The following CDK19 variants were observed in gnomAD, a reference collection of about 807,000 sequenced individuals.
The protein encoded by CDK19 is cyclin-dependent kinase 19.
Under a neutral mutation model 68.3 loss-of-function variants are expected in CDK19, and 20 were observed. The ratio of observed to expected loss-of-function variants is 0.29; its 90% CI spans 0.21 to 0.43. The LOEUF (loss-of-function observed/expected upper bound fraction) is 0.43, where lower values mean the gene tolerates loss of function less well. Among genes scored for constraint, CDK19 ranks in the 20% least tolerant of loss-of-function variants. The pLI, the probability that CDK19 is intolerant of heterozygous loss-of-function variation, is 1.00. For missense variants in CDK19, 339 were observed against 623.5 expected (o/e 0.54, Z 4.86); for synonymous variants, 221 against 222.8 (o/e 0.99, Z 0.07).
chr6:110,745,030 A>C (rs945644369), intron 2 of CDK19, among the ~76,000 whole-genome samples: 3 of 152,250 alleles, frequency 2.0e-5, no homozygotes, highest in Admixed American at 6.5e-5. Flanking sequence ...TTAAGTAACA[A>C]TTATTTAAAT....
intron 1 of CDK19, among the ~76,000 whole-genome samples, chr6:110,807,814 C>CTT (rs61710346): frequency 1.4e-5 from 2 of 144,098 alleles, no homozygotes; most frequent in African/African-American, 2.5e-5. Flanking sequence ...TTTATAATAC[C>CTT]TTTTTTTTTT....
chr6:110,717,998 G>T (rs1268377533), intron 2 of CDK19, among the ~76,000 whole-genome samples: 3 of 152,136 alleles, frequency 2.0e-5, no homozygotes, highest in Non-Finnish European at 4.4e-5. Context: ...CCTTTGTAAA[G>T]CAGGCCTAAA....
At chr6:110,632,281 T>C (rs1403914815) in intron 5 of CDK19, 120 bp from the exon 6 acceptor site, 2 of 700,964 alleles carry the variant, frequency 2.9e-6, no homozygotes, top group Non-Finnish European at 2.3e-6. Context: ...TTGACAACAA[T>C]AGCTGCTGAC....
At chr6:110,780,825 T>C (rs1000304200) in intron 1 of CDK19, among the ~76,000 whole-genome samples, 1 of 152,132 alleles carries the variant, frequency 6.6e-6, no homozygotes, top group Non-Finnish European at 1.5e-5. Flanking sequence ...ATTTCCCATC[T>C]TCCAGAGATG....
Position 110,815,366 on chromosome 6 carries a change from C to T in CDK19, c.-230G>A. On this transcript the variant is annotated 5_prime_UTR_variant, in exon 1 of 13. Transcript: ENST00000368911. ...TCCTCCTCCTCCGCGACGGCGGCGG[C>T]GGCTCCCGCAGGCACCCCCAGTCCC... 2 of 391,308 alleles carry T rather than the reference C, an allele frequency of 5.1e-6. No homozygotes were observed. The highest frequency in any genetic ancestry group is 7.2e-5 in the South Asian group (1 of 13,818). 24.2% of individuals were successfully genotyped at this position (391,308 alleles called of 1,614,324 possible).
At chr6:110,809,349 C>T (rs1190286537) in intron 1 of CDK19, among the ~76,000 whole-genome samples, 1 of 152,014 alleles carries the variant, frequency 6.6e-6, no homozygotes, top group African/African-American at 2.4e-5. Context: ...CACAGTGAGA[C>T]CTCGTCTCTA....
intron 4 of CDK19, among the ~76,000 whole-genome samples, chr6:110,644,459 G>A (rs1217825960): frequency 2.0e-5 from 3 of 152,030 alleles, no homozygotes; most frequent in Non-Finnish European, 4.4e-5. Flanking sequence ...TAGCACAACA[G>A]GGTGACTACA....
chr6:110,685,021 C>T (rs9487485), intron 2 of CDK19, among the ~76,000 whole-genome samples: 2,122 of 152,214 alleles, frequency 0.014, 53 homozygotes, highest in African/African-American at 0.049. Context: ...GCCTGTAGTC[C>T]CAGCTACCCA....
chr6:110,642,681 C>T (rs899865981), intron 4 of CDK19, among the ~76,000 whole-genome samples: 6 of 151,912 alleles, frequency 3.9e-5, no homozygotes, highest in Admixed American at 6.6e-5. Context: ...AAACCAGGCA[C>T]GGTGGTCCAC....
rs138483097 is a variant in CDK19, at chr6:110,801,507, GT to G, written c.128+13501del. ...CTCAAAAAAGTAAAATAAATTACAG[GT>G]TTTTTTGTGTGTTTTTTTTTTGAGA... is the stretch of plus-strand genomic sequence containing the variant. On this transcript the variant is annotated intron_variant, in intron 1 of 12. Transcript: ENST00000368911. Among the ~76,000 whole-genome samples the G allele has an allele frequency of 5.2e-3, 790 of 151,964 alleles. 5 individuals are homozygous for G. Among genetic ancestry groups the G allele is most frequent in the African/African-American group, 0.019 (768 of 41,472 alleles).
chr6:110,623,857 T>C (rs1778896750), intron 8 of CDK19, among the ~76,000 whole-genome samples: 2 of 145,816 alleles, frequency 1.4e-5, no homozygotes, highest in African/African-American at 5.0e-5. Flanking sequence ...TATACATATA[T>C]ATACATATAT....
chr6:110,719,310 C>G (rs1459337206), intron 2 of CDK19, among the ~76,000 whole-genome samples: 1 of 152,050 alleles, frequency 6.6e-6, no homozygotes, highest in Non-Finnish European at 1.5e-5. Flanking sequence ...CACAGTAAAC[C>G]CTGTCTCTAC....
intron 2 of CDK19, among the ~76,000 whole-genome samples, chr6:110,735,713 A>G (rs1777200193): frequency 6.6e-6 from 1 of 152,240 alleles, no homozygotes; most frequent in African/African-American, 2.4e-5. Context: ...AACAAACTAG[A>G]ATAAAAGTAG....
chr6:110,768,340 C>A (rs1779734915), intron 1 of CDK19, among the ~76,000 whole-genome samples: 1 of 152,276 alleles, frequency 6.6e-6, no homozygotes, highest in East Asian at 1.9e-4. Flanking sequence ...CAGTTTCTTA[C>A]AAAACTAAAC....
At chr6:110,665,246 T>C (rs944870501) in intron 4 of CDK19, among the ~76,000 whole-genome samples, 1 of 152,138 alleles carries the variant, frequency 6.6e-6, no homozygotes, top group Non-Finnish European at 1.5e-5. Context: ...AATAAAAGCC[T>C]GAACTAGGAA....
intron 4 of CDK19, among the ~76,000 whole-genome samples, chr6:110,664,712 G>C (rs1192190235): frequency 2.6e-5 from 4 of 152,082 alleles, no homozygotes; most frequent in Admixed American, 2.6e-4. Context: ...CAGGCTACGA[G>C]ATGTTCTAAG....
chr6:110,620,801 T>G (rs1184359606), intron 12 of CDK19, among the ~76,000 whole-genome samples: 1 of 152,212 alleles, frequency 6.6e-6, no homozygotes, highest in Non-Finnish European at 1.5e-5. Context: ...TCTACGTATC[T>G]TTTTCTGATA....
chr6:110,732,317 G>A (rs563044805), intron 2 of CDK19, among the ~76,000 whole-genome samples: 17 of 152,104 alleles, frequency 1.1e-4, no homozygotes, highest in East Asian at 1.9e-4. Flanking sequence ...CTGTCACGGC[G>A]CAAAACCCTG....
chr6:110,622,255 T>C, intron 10 of CDK19, 89 bp from the exon 11 acceptor site: 1 of 917,194 alleles, frequency 1.1e-6, no homozygotes, highest in East Asian at 2.5e-5. Flanking sequence ...TTTGTTTTTC[T>C]TCACTTATTT....
Sources: allele counts gnomAD v4.1 joint callset (sites outside exome capture counted in the v4.1 genomes callset), GRCh38; gene constraint gnomAD v4.1.1; transcripts MANE v1.5; gene names NCBI Gene and HGNC (gene_info 2026-07-23, HGNC 2026-07-21).